The following ASIC2 variants were observed in gnomAD, a reference collection of about 807,000 sequenced individuals.
ASIC2 encodes acid sensing ion channel subunit 2.
Under a neutral mutation model 57.3 loss-of-function variants are expected in ASIC2, and 25 were observed. The ratio of observed to expected loss-of-function variants is 0.44; its 90% CI spans 0.32 to 0.61. The LOEUF is 0.61. Ranked by LOEUF, ASIC2 falls within the 20% of genes least tolerant of loss-of-function variation. The pLI is 0.06. For synonymous variants in ASIC2, 319 were observed against 307.5 expected (o/e 1.04, Z -0.39); for missense variants, 641 against 738.1 (o/e 0.87, Z 1.52).
intron 1 of ASIC2, among the ~76,000 whole-genome samples, chr17:33,453,319 C>T (rs564326023): frequency 1.7e-4 from 26 of 150,738 alleles, no homozygotes; most frequent in African/African-American, 6.3e-4. Context: ...ATTTTACATT[C>T]TGAGTCTATG....
At chr17:33,107,641 T>G (rs1229163708) in intron 2 of ASIC2, among the ~76,000 whole-genome samples, 1 of 152,192 alleles carries the variant, frequency 6.6e-6, no homozygotes, top group Non-Finnish European at 1.5e-5. Flanking sequence ...GGGACATTTT[T>G]GATAATTTTC....
intron 1 of ASIC2, among the ~76,000 whole-genome samples, chr17:33,274,525 C>A (rs1172164065): frequency 1.3e-5 from 2 of 152,160 alleles, no homozygotes; most frequent in Non-Finnish European, 2.9e-5. Context: ...AAACACATGA[C>A]CCTGGACCTC....
intron 1 of ASIC2, among the ~76,000 whole-genome samples, chr17:33,862,294 A>G (rs1049186503): frequency 6.6e-6 from 1 of 152,252 alleles, no homozygotes; most frequent in African/African-American, 2.4e-5. Context: ...GTTCAGGACC[A>G]GAGAATAGAC....
intron 1 of ASIC2, among the ~76,000 whole-genome samples, chr17:33,520,752 T>G (rs541049449): frequency 7.7e-4 from 118 of 152,340 alleles, no homozygotes; most frequent in African/African-American, 2.8e-3. Context: ...AATGTATCCC[T>G]GGGCCTCACC....
At chr17:33,896,171 G>T (rs1433664910) in intron 1 of ASIC2, among the ~76,000 whole-genome samples, 1 of 152,144 alleles carries the variant, frequency 6.6e-6, no homozygotes, top group Non-Finnish European at 1.5e-5. Flanking sequence ...TTGCCTCAGA[G>T]CCTGGTAGAG....
chr17:33,640,487 G>C (rs1122574), intron 1 of ASIC2, among the ~76,000 whole-genome samples: 33,242 of 152,126 alleles, frequency 0.22, 4,421 homozygotes, highest in African/African-American at 0.35. Flanking sequence ...CAATCTCACA[G>C]AGAGAGCACG....
At chr17:33,713,427 G>T (rs894545320) in intron 1 of ASIC2, among the ~76,000 whole-genome samples, 1 of 152,170 alleles carries the variant, frequency 6.6e-6, no homozygotes, top group African/African-American at 2.4e-5. Context: ...TTGGTAATCT[G>T]TGCAGCTGCA....
At chr17:33,863,977 C>A (rs1294119224) in intron 1 of ASIC2, among the ~76,000 whole-genome samples, 3 of 150,898 alleles carry the variant, frequency 2.0e-5, no homozygotes, top group Non-Finnish European at 2.9e-5. Context: ...GGTCTTGGCT[C>A]ACTGCAACCT....
intron 1 of ASIC2, among the ~76,000 whole-genome samples, chr17:33,221,920 G>C (rs1907704336): frequency 6.6e-6 from 1 of 152,124 alleles, no homozygotes; most frequent in Non-Finnish European, 1.5e-5. Flanking sequence ...TGATTGATTT[G>C]TATTTTCTTA....
chr17:33,291,213 C>A, intron 1 of ASIC2, 195 bp downstream of exon 1: 1 of 1,259,902 alleles, frequency 7.9e-7, no homozygotes, highest in South Asian at 1.9e-5. Flanking sequence ...GGCGACTCCT[C>A]CTACAGTTAA....
At chr17:34,132,162 G>A (rs1911994971) in intron 1 of ASIC2, among the ~76,000 whole-genome samples, 1 of 152,126 alleles carries the variant, frequency 6.6e-6, no homozygotes, top group African/African-American at 2.4e-5. Flanking sequence ...TCAGAAAAGT[G>A]CTTTAACTTC....
At chr17:33,025,475 A>G (rs894196426) in intron 5 of ASIC2, among the ~76,000 whole-genome samples, 19 of 152,154 alleles carry the variant, frequency 1.2e-4, no homozygotes, top group Non-Finnish European at 2.4e-4. Context: ...ATGGAGCAGA[A>G]GAAAGATGGT....
At chr17:33,631,402 T>G (rs918072286) in intron 1 of ASIC2, among the ~76,000 whole-genome samples, 2 of 149,720 alleles carry the variant, frequency 1.3e-5, no homozygotes, top group Non-Finnish European at 3.0e-5. Context: ...ACAGAGAAAG[T>G]GACTGAACTG....
intron 1 of ASIC2, among the ~76,000 whole-genome samples, chr17:34,113,133 T>C (rs1911325169): frequency 6.6e-6 from 1 of 152,196 alleles, no homozygotes; most frequent in Admixed American, 6.5e-5. Flanking sequence ...CAGTGAATGA[T>C]GACCCTTTGG....
At chr17:33,646,771 T>C (rs1328281339) in intron 1 of ASIC2, among the ~76,000 whole-genome samples, 2 of 152,138 alleles carry the variant, frequency 1.3e-5, no homozygotes, top group African/African-American at 4.8e-5. Context: ...TACAGAGGGA[T>C]GCAAGGGGCA....
chr17:33,430,386 AC>A (rs1911368075), intron 1 of ASIC2, among the ~76,000 whole-genome samples: 1 of 152,208 alleles, frequency 6.6e-6, no homozygotes, highest in Admixed American at 6.5e-5. Context: ...AGAGTAGGGC[AC>A]CAAGGATGCA....
chr17:33,972,319 A>C (rs1597956110), intron 1 of ASIC2, among the ~76,000 whole-genome samples: 1 of 152,192 alleles, frequency 6.6e-6, no homozygotes, highest in South Asian at 2.1e-4. Flanking sequence ...TACTGAATGC[A>C]TGACAGGAAG....
chr17:33,305,665 G>A lies in ASIC2; in HGVS notation c.556-193598C>T, dbSNP rs187996520. On this transcript the variant is annotated intron_variant, in intron 1 of 9. Transcript: ENST00000359872. ...CTGAAACTCACAATGATGATCTTGG[G>A]CCATCAAGATTACATTTTGTTCTGT... 4.7e-3 allele frequency among the ~76,000 whole-genome samples: 718 copies of A among 152,194 alleles called. 4 individuals are homozygous for A. The highest frequency in any genetic ancestry group is 0.01 in the Middle Eastern group (3 of 294).
At chr17:34,099,741 A>G (rs199590256) in intron 1 of ASIC2, among the ~76,000 whole-genome samples, 33 of 874 alleles carry the variant, frequency 0.038, no homozygotes, top group South Asian at 0.2. Context: ...AAGGAAAGAA[A>G]GAAAGAAAGA....
Sources: allele counts gnomAD v4.1 joint callset (sites outside exome capture counted in the v4.1 genomes callset), GRCh38; gene constraint gnomAD v4.1.1; transcripts MANE v1.5; gene names NCBI Gene and HGNC (gene_info 2026-07-23, HGNC 2026-07-21).